Variants in EPHA6 observed in about 807,000 individuals in gnomAD.
EPHA6 encodes ephrin type-A receptor 6.
EPHA6 carries 50 observed loss-of-function variants against 112.0 expected under a neutral mutation model. That is an observed-to-expected ratio of 0.45 (90% CI 0.36 to 0.56). EPHA6 has a LOEUF of 0.56. Ranked by LOEUF, EPHA6 falls within the 20% of genes least tolerant of loss-of-function variation. The probability of loss-of-function intolerance (pLI) is 0.00; values close to 1 mark genes in which losing one functional copy is unlikely to be tolerated. For missense variants in EPHA6, 1,280 were observed against 1,417.4 expected (o/e 0.90, Z 1.56); for synonymous variants, 529 against 490.7 (o/e 1.08, Z -1.03).
Position 97,279,593 on chromosome 3 carries a change from A to G in EPHA6, c.1606+35306A>G, listed in dbSNP as rs138479274. Reference sequence around the variant, plus strand: ...AAAGAGCATTTTATAAGAAAGTCCAAATCTAGTTACACAATACATCATAGG... The same window carrying G: ...AAAGAGCATTTTATAAGAAAGTCCAGATCTAGTTACACAATACATCATAGG... On this transcript the variant is annotated intron_variant, in intron 5 of 17. Transcript: ENST00000389672. Among the ~76,000 whole-genome samples the G allele has an allele frequency of 2.3e-3, 349 of 152,250 alleles. 1 individual carries two copies. The highest frequency in any genetic ancestry group is 0.013 in the Admixed American group (206 of 15,294).
intron 3 of EPHA6, among the ~76,000 whole-genome samples, chr3:97,156,415 G>C (rs1187641416): frequency 1.3e-5 from 2 of 152,114 alleles, no homozygotes; most frequent in East Asian, 1.9e-4. Context: ...AGATTAATAT[G>C]AATGTGCTAT....
intron 3 of EPHA6, among the ~76,000 whole-genome samples, chr3:97,019,475 G>A (rs750998365): frequency 5.3e-4 from 80 of 152,068 alleles, no homozygotes; most frequent in South Asian, 8.3e-4. Flanking sequence ...TTCAGTTCAC[G>A]GCTGGAGCTG....
At chr3:96,998,957 C>T (rs952932353) in intron 3 of EPHA6, among the ~76,000 whole-genome samples, 1 of 151,910 alleles carries the variant, frequency 6.6e-6, no homozygotes, top group African/African-American at 2.4e-5. Context: ...TTTATCTTCA[C>T]TAGTTTTAGT....
chr3:97,431,751 C>T (rs2089522579), intron 6 of EPHA6, among the ~76,000 whole-genome samples: 1 of 151,904 alleles, frequency 6.6e-6, no homozygotes, highest in Non-Finnish European at 1.5e-5. Flanking sequence ...TTTAAAAGAC[C>T]ACCAGATAGT....
chr3:96,923,329 A>G (rs2039870833), intron 2 of EPHA6, among the ~76,000 whole-genome samples: 1 of 152,212 alleles, frequency 6.6e-6, no homozygotes, highest in Middle Eastern at 3.2e-3. Flanking sequence ...AATAATTGCC[A>G]TTCTGACTGG....
At chr3:97,396,206 A>G (rs958036888) in intron 5 of EPHA6, among the ~76,000 whole-genome samples, 1 of 151,202 alleles carries the variant, frequency 6.6e-6, no homozygotes, top group Non-Finnish European at 1.5e-5. Context: ...TGTCACAAGC[A>G]TGTGTATATG....
intron 6 of EPHA6, among the ~76,000 whole-genome samples, chr3:97,432,453 C>T (rs747658283): frequency 2.3e-4 from 35 of 152,154 alleles, no homozygotes; most frequent in Non-Finnish European, 2.9e-4. Context: ...ATAGAACTGA[C>T]GTTTTATGTT....
rs186274994 is a variant in EPHA6 at position 97,355,630 on chromosome 3, G to A, written c.1607-49520G>A. 2.3e-4 allele frequency among the ~76,000 whole-genome samples: 35 copies of A among 152,178 alleles called. No homozygotes were observed. The East Asian group carries it at 3.9e-3, about 17-fold the overall frequency. On this transcript the variant is annotated intron_variant, in intron 5 of 17. Transcript: ENST00000389672. ...AAAGGAAAAGGGAAGAAAAGACCAC[G>A]AAACACCCAGAAAACAAATAACAAA...
intron 3 of EPHA6, among the ~76,000 whole-genome samples, chr3:97,083,194 GCCATA>G: frequency 6.6e-6 from 1 of 151,994 alleles, no homozygotes; most frequent in Admixed American, 6.6e-5. Context: ...TCCTGCCCCT[GCCATA>G]CATCTTTGTG....
chr3:97,708,086 T>C (rs1576327157), intron 14 of EPHA6, among the ~76,000 whole-genome samples: 1 of 152,304 alleles, frequency 6.6e-6, no homozygotes, highest in Non-Finnish European at 1.5e-5. Context: ...ACTTTGGAAC[T>C]GAATAATGGG....
At chr3:97,452,704 A>G (rs2107340186) in intron 7 of EPHA6, among the ~76,000 whole-genome samples, 1 of 151,840 alleles carries the variant, frequency 6.6e-6, no homozygotes, top group African/African-American at 2.4e-5. Flanking sequence ...AGAAGCTAGT[A>G]AAAATTTTCT....
At chr3:97,636,834 T>C (rs1484325043) in intron 13 of EPHA6, among the ~76,000 whole-genome samples, 6 of 152,142 alleles carry the variant, frequency 3.9e-5, no homozygotes, top group Admixed American at 6.6e-5. Flanking sequence ...TACAATCTAC[T>C]GCTAGATATT....
At chr3:97,596,396 CTATAT>C (rs2093591214) in intron 12 of EPHA6, among the ~76,000 whole-genome samples, 1 of 151,924 alleles carries the variant, frequency 6.6e-6, no homozygotes, top group Non-Finnish European at 1.5e-5. Flanking sequence ...CTCAAATCCT[CTATAT>C]TTTTGGCAGT....
intron 10 of EPHA6, among the ~76,000 whole-genome samples, chr3:97,500,073 C>G (rs1342411917): frequency 6.6e-6 from 1 of 152,076 alleles, no homozygotes; most frequent in African/African-American, 2.4e-5. Flanking sequence ...TAAGCTTTTT[C>G]CTGTGTAAAT....
chr3:97,667,678 G>A (rs1336088747), intron 14 of EPHA6, among the ~76,000 whole-genome samples: 2 of 152,108 alleles, frequency 1.3e-5, no homozygotes, highest in African/African-American at 4.8e-5. Context: ...AGTATACTTT[G>A]TAGAGAACAA....
intron 7 of EPHA6, among the ~76,000 whole-genome samples, chr3:97,456,654 GA>G (rs1678857364): frequency 6.6e-6 from 1 of 151,988 alleles, no homozygotes; most frequent in Admixed American, 6.6e-5. Context: ...GAATGCTAAG[GA>G]AACAAAGGAG....
At chr3:97,172,128 A>G (rs1437088296) in intron 3 of EPHA6, among the ~76,000 whole-genome samples, 4 of 152,044 alleles carry the variant, frequency 2.6e-5, no homozygotes, top group Non-Finnish European at 4.4e-5. Context: ...CATGGCATAT[A>G]TAGACTGATG....
intron 3 of EPHA6, among the ~76,000 whole-genome samples, chr3:97,123,196 A>G (rs1341359492): frequency 6.6e-6 from 1 of 152,116 alleles, no homozygotes; most frequent in East Asian, 1.9e-4. Context: ...TAGTGGTACT[A>G]TTATTCGTGT....
At chr3:97,049,322 G>A (rs2045612034) in intron 3 of EPHA6, among the ~76,000 whole-genome samples, 1 of 152,254 alleles carries the variant, frequency 6.6e-6, no homozygotes, top group Non-Finnish European at 1.5e-5. Flanking sequence ...AGAACAGTTA[G>A]GACTTTACTA....
Sources: gnomAD v4.1 joint callset for allele counts (sites outside exome capture counted in the v4.1 genomes callset) on GRCh38, gnomAD v4.1.1 for gene constraint, MANE v1.5 for transcripts, NCBI Gene and HGNC (gene_info 2026-07-23, HGNC 2026-07-21) for gene names.